The following EFCAB8 variants were observed in gnomAD, a reference collection of about 807,000 sequenced individuals.
EFCAB8 encodes EF-hand calcium binding domain 8.
EFCAB8 carries 100 observed loss-of-function variants against 116.3 expected under a neutral mutation model. That is an observed-to-expected ratio of 0.86 (90% CI 0.73 to 1.02). EFCAB8 has a LOEUF of 1.02. EFCAB8 is among the 50% of genes least tolerant of loss of function. The pLI is 0.00. For synonymous variants in EFCAB8, 558 were observed against 567.9 expected, an observed-to-expected ratio of 0.98 and a Z score of 0.25; for missense variants, 1,320 against 1,416.9, an observed-to-expected ratio of 0.93 and a Z score of 1.10.
In EFCAB8 at chr20:32,900,971, G is replaced by A. The variant is rs554191893; in HGVS notation, c.1088+2348G>A. On this transcript the variant is annotated intron_variant, in intron 11 of 26. Coordinates refer to ENST00000400522, the MANE Select transcript of EFCAB8 (RefSeq NM_001143967.2). ...CCCACCTCGGCCTCCCAAAGTGCTG[G>A]GATTACAGGCATGAGCCACCGCGCC... Among the ~76,000 whole-genome samples, 9 of 152,334 alleles carry A rather than the reference G, an allele frequency of 5.9e-5. No individual in the cohort carries two copies. The South Asian group carries it at 6.2e-4, about 11-fold the overall frequency.
At chr20:32,866,793 TTCCCTCCCTCCC>T (rs974737532) in intron 2 of EFCAB8, among the ~76,000 whole-genome samples, 1 of 138,724 alleles carries the variant, frequency 7.2e-6, no homozygotes, top group African/African-American at 2.8e-5. Context: ...CCTTCCTTCC[TTCCCTCCCTCCC>T]TCCCTCTCTT....
intron 24 of EFCAB8, among the ~76,000 whole-genome samples, chr20:32,958,793 A>G (rs895752461): frequency 6.6e-6 from 1 of 152,210 alleles, no homozygotes; most frequent in Non-Finnish European, 1.5e-5. Flanking sequence ...AAAGGGGAAA[A>G]TACAAAAACC....
At chr20:32,919,448 A>G (rs773990721) in intron 19 of EFCAB8, among the ~76,000 whole-genome samples, 17 of 152,226 alleles carry the variant, frequency 1.1e-4, no homozygotes, top group Non-Finnish European at 2.4e-4. Flanking sequence ...ACTGTTTTCA[A>G]ATCTTCTAGG....
chr20:32,881,714 C>T (rs2087805047), intron 5 of EFCAB8, among the ~76,000 whole-genome samples: 1 of 152,174 alleles, frequency 6.6e-6, no homozygotes, highest in African/African-American at 2.4e-5. Context: ...TAGCGAGTGC[C>T]TCCCCTCAGT....
chr20:32,882,433 A>C (rs2146197716), intron 5 of EFCAB8, among the ~76,000 whole-genome samples: 1 of 152,340 alleles, frequency 6.6e-6, no homozygotes, highest in Non-Finnish European at 1.5e-5. Flanking sequence ...CCTGGGGTAA[A>C]GAGGCTCATA....
chr20:32,961,182 C>G lies in EFCAB8; in HGVS notation c.3440C>G (p.Pro1147Arg), dbSNP rs575918372. The G allele has an allele frequency of 6.4e-7, 1 of 1,552,224 alleles. No homozygotes were observed. The highest frequency in any genetic ancestry group is 2.0e-5 in the Admixed American group (1 of 51,008). ...YQSLHFSDLM[P>R]TQQPDFLTSR... ...AGCCTGCACTTCAGTGATCTGATGC[C>G]GACTCAGCAGCCTGACTTCCTGACC... Residue 1147 changes from proline to arginine, a missense_variant, in exon 27 of 27, where the codon CCG becomes CGG. Physicochemically the swap from Pro to Arg is moderately radical, Grantham distance 103 (BLOSUM62 -2). Coordinates refer to ENST00000400522, the MANE Select transcript of EFCAB8 (RefSeq NM_001143967.2).
chr20:32,882,678 G>T (rs13038717), intron 5 of EFCAB8, among the ~76,000 whole-genome samples: 2 of 151,754 alleles, frequency 1.3e-5, no homozygotes, highest in Admixed American at 1.3e-4. Flanking sequence ...CCGCCACCAC[G>T]CCTGGCCGAT....
At chr20:32,912,427 T>C (rs1986975743) in intron 16 of EFCAB8, among the ~76,000 whole-genome samples, 1 of 96,776 alleles carries the variant, frequency 1.0e-5, no homozygotes, top group South Asian at 3.0e-4. Flanking sequence ...AGTGAAACTC[T>C]GTCAAAAAAA....
intron 5 of EFCAB8, among the ~76,000 whole-genome samples, chr20:32,881,447 TCG>T (rs1985332778): frequency 6.6e-6 from 1 of 152,180 alleles, no homozygotes; most frequent in Non-Finnish European, 1.5e-5. Context: ...TCCATCCACT[TCG>T]GCCTCCCAAA....
chr20:32,924,088 C>G (rs1352013508), intron 20 of EFCAB8, among the ~76,000 whole-genome samples: 2 of 152,130 alleles, frequency 1.3e-5, no homozygotes, highest in East Asian at 1.9e-4. Context: ...AATCTCAGCT[C>G]TCTTGTCCAG....
intron 6 of EFCAB8, among the ~76,000 whole-genome samples, chr20:32,886,634 C>T (rs893228144): frequency 6.6e-6 from 1 of 152,068 alleles, no homozygotes; most frequent in African/African-American, 2.4e-5. Context: ...CTGTGGCTTC[C>T]ATAGCCATCC....
chr20:32,875,621 C>T (rs946575767), intron 3 of EFCAB8, among the ~76,000 whole-genome samples: 33 of 151,100 alleles, frequency 2.2e-4, no homozygotes, highest in Admixed American at 1.7e-3. Context: ...TCTCCTGCCT[C>T]AGCCTCCCAA....
At chr20:32,919,927 G>T (rs1182062686) in intron 19 of EFCAB8, among the ~76,000 whole-genome samples, 151 bp from the exon 20 acceptor site, 1 of 152,130 alleles carries the variant, frequency 6.6e-6, no homozygotes, top group Non-Finnish European at 1.5e-5. Flanking sequence ...GGAGGTTTCC[G>T]GGATCCACTG....
rs543971582 is a variant in EFCAB8 at position 32,925,719 on chromosome 20, C to T, written c.2413-4679C>T. On this transcript the variant is annotated intron_variant, in intron 20 of 26. Transcript: ENST00000400522. ...CCCAGTAGGGAAGGACCAGATGGCA[C>T]GCAGTAGAAAATTGCTCCAAGTTAC... Among the ~76,000 whole-genome samples, 307 of 152,350 alleles carry T rather than the reference C, an allele frequency of 2.0e-3. 1 individual carries two copies. Among genetic ancestry groups the T allele is most frequent in the African/African-American group, 5.7e-3 (236 of 41,580 alleles).
intron 23 of EFCAB8, among the ~76,000 whole-genome samples, chr20:32,952,739 G>A (rs1050004435): frequency 6.6e-6 from 1 of 151,956 alleles, no homozygotes; most frequent in Non-Finnish European, 1.5e-5. Flanking sequence ...TTTCCTGATG[G>A]CATCTTTTGA....
At chr20:32,876,187 G>T in intron 4 of EFCAB8, 143 bp downstream of exon 4, 1 of 703,894 alleles carries the variant, frequency 1.4e-6, no homozygotes, top group Non-Finnish European at 2.4e-6. Flanking sequence ...CGGGGGACTT[G>T]CCTGGTGGAG....
In EFCAB8 at chr20:32,960,178, C is replaced by A. The variant is rs1235428220; in HGVS notation, c.3393+17C>A. 18 of 1,550,058 alleles carry A rather than the reference C, an allele frequency of 1.2e-5. No individual in the cohort carries two copies. The highest frequency in any genetic ancestry group is 1.4e-5 in the Non-Finnish European group (16 of 1,145,796). ...AAGCATCAGGTAAGGTGGGATGGGG[C>A]AGCTCCCCAAGAGGCTGGGTCAGGG... On this transcript the variant is annotated intron_variant, in intron 26 of 26. Coordinates refer to ENST00000400522, the MANE Select transcript of EFCAB8 (RefSeq NM_001143967.2).
intron 11 of EFCAB8, 52 bp from the exon 12 acceptor site, chr20:32,906,510 T>C (rs2146236242): frequency 1.4e-6 from 1 of 717,582 alleles, no homozygotes; most frequent in South Asian, 1.5e-5. Context: ...TCAGACGCTC[T>C]CTTGGGGCCA....
At chr20:32,953,070 A>G (rs1254258296) in intron 23 of EFCAB8, among the ~76,000 whole-genome samples, 1 of 152,246 alleles carries the variant, frequency 6.6e-6, no homozygotes, top group East Asian at 1.9e-4. Context: ...GAATAATACA[A>G]TAGTCATCTT....
Sources: allele counts gnomAD v4.1 joint callset (sites outside exome capture counted in the v4.1 genomes callset), GRCh38; gene constraint gnomAD v4.1.1; transcripts MANE v1.5; gene names NCBI Gene and HGNC (gene_info 2026-07-23, HGNC 2026-07-21).